NOL11: variants seen among roughly 807,000 people sequenced by gnomAD.
NOL11 encodes the protein nucleolar protein 11.
Under a neutral mutation model 93.0 loss-of-function variants are expected in NOL11, and 42 were observed. That is an observed-to-expected ratio of 0.45 (90% CI 0.35 to 0.58). NOL11 has a LOEUF of 0.58. NOL11 is among the 20% of genes least tolerant of loss of function. NOL11 has a pLI of 0.00. For missense variants in NOL11, 775 were observed against 841.8 expected, an observed-to-expected ratio of 0.92 and a Z score of 0.98; for synonymous variants, 296 against 293.7, an observed-to-expected ratio of 1.01 and a Z score of -0.08.
At chr17:67,739,879 C>G (rs1266720824) in intron 16 of NOL11, among the ~76,000 whole-genome samples, 1 of 152,160 alleles carries the variant, frequency 6.6e-6, no homozygotes, top group Non-Finnish European at 1.5e-5. Context: ...ATTTCCTCAG[C>G]CTTGATGGGA....
At chr17:67,732,144 C>T (rs1183856655) in intron 7 of NOL11, among the ~76,000 whole-genome samples, 4 of 152,118 alleles carry the variant, frequency 2.6e-5, no homozygotes, top group African/African-American at 9.7e-5. Flanking sequence ...TTCCATTCAG[C>T]AATGTTTTAT....
rs1371432790 is a variant in NOL11, at chr17:67,729,247, A to C, written c.853+2599A>C. 2.6e-5 allele frequency among the ~76,000 whole-genome samples: 4 copies of C among 152,034 alleles called. 1 individual carries two copies. In the South Asian group the frequency reaches 8.3e-4, roughly 32 times the overall value. On this transcript the variant is annotated intron_variant, in intron 7 of 17. Transcript: ENST00000253247. Reference sequence around the variant, plus strand: ...GTAACTGGGATTACAGGCATGTGCCACCACACTTGGCTAATTTTTTTCCTT... The same window carrying C: ...GTAACTGGGATTACAGGCATGTGCCCCCACACTTGGCTAATTTTTTTCCTT...
At chr17:67,724,657 A>G (rs944087153) in intron 6 of NOL11, among the ~76,000 whole-genome samples, 25 of 152,078 alleles carry the variant, frequency 1.6e-4, no homozygotes, top group African/African-American at 5.6e-4. Flanking sequence ...TGTACTTTGC[A>G]TGTCTGGCCA....
At position 67,718,040 on chromosome 17, in the gene NOL11, A is replaced by G; in HGVS notation, c.93A>G (p.Thr31=). 2 of 1,614,252 alleles carry G rather than the reference A, an allele frequency of 1.2e-6. No homozygotes were observed. The highest frequency in any genetic ancestry group is 1.7e-6 in the Non-Finnish European group (2 of 1,180,034). Residue 31 remains threonine, a synonymous_variant, in exon 1 of 18, where the codon ACA becomes ACG. Coordinates refer to ENST00000253247, the MANE Select transcript of NOL11 (RefSeq NM_015462.5). ...GLLGVEQSDK[T]DQFLVTDSGR... is the part of the protein sequence containing the mutation. ...TAGGCGTGGAGCAGAGCGACAAAAC[A>G]GACCAGTTTCTAGTGACAGACAGCG...
intron 7 of NOL11, among the ~76,000 whole-genome samples, chr17:67,731,182 T>C (rs1465279712): frequency 1.3e-5 from 2 of 152,354 alleles, no homozygotes; most frequent in South Asian, 2.1e-4. Flanking sequence ...ATCAGACATA[T>C]GATTTCCAAA....
At position 67,737,985 on chromosome 17, in the gene NOL11, C is replaced by T; in HGVS notation, c.1529+13C>T. 3.1e-6 allele frequency: 5 copies of T among 1,592,164 alleles called. No homozygotes were observed. The highest frequency in any genetic ancestry group is 4.3e-6 in the Non-Finnish European group (5 of 1,173,528). ...AAATTTTCTTGAGGTAAGTTAGACT[C>T]CAATGGTCCTTTTTCTTCACTACAT... On this transcript the variant is annotated intron_variant, in intron 13 of 17. Coordinates refer to ENST00000253247, the MANE Select transcript of NOL11 (RefSeq NM_015462.5).
intron 3 of NOL11, among the ~76,000 whole-genome samples, chr17:67,720,946 G>GT (rs994777404): frequency 6.6e-6 from 1 of 152,130 alleles, no homozygotes; most frequent in East Asian, 1.9e-4. Flanking sequence ...AACAGTGGGG[G>GT]TTTTTTTGTT....
intron 7 of NOL11, 163 bp downstream of exon 7, chr17:67,726,811 T>C: frequency 2.0e-6 from 1 of 503,462 alleles, no homozygotes; most frequent in East Asian, 3.4e-5. Context: ...CTTGAATTGG[T>C]TTTTATTTTT....
intron 7 of NOL11, among the ~76,000 whole-genome samples, chr17:67,727,474 A>G (rs1315998104): frequency 7.2e-5 from 11 of 152,098 alleles, no homozygotes; most frequent in South Asian, 2.1e-4. Flanking sequence ...CCTGACCAAC[A>G]TGGAGAAACC....
intron 4 of NOL11, 123 bp downstream of exon 4, chr17:67,721,649 A>T: frequency 1.3e-6 from 1 of 774,102 alleles, no homozygotes; most frequent in Non-Finnish European, 2.1e-6. Context: ...AATCACTTAC[A>T]AAACACTGAC....
intron 14 of NOL11, 146 bp from the exon 15 acceptor site, chr17:67,738,785 AT>A: frequency 1.7e-6 from 1 of 593,986 alleles, no homozygotes; most frequent in Non-Finnish European, 3.0e-6. Context: ...ATCTCCAATG[AT>A]TAGGAGAGTG....
At chr17:67,736,809 A>G in intron 10 of NOL11, 55 bp downstream of exon 10, 1 of 1,225,512 alleles carries the variant, frequency 8.2e-7, no homozygotes, top group Admixed American at 1.9e-5. Context: ...AAACAGAAAA[A>G]GACTGAATTA....
intron 11 of NOL11, 37 bp from the exon 12 acceptor site, chr17:67,737,471 A>C: frequency 6.6e-7 from 1 of 1,517,890 alleles, no homozygotes; most frequent in Non-Finnish European, 8.9e-7. Flanking sequence ...ACATTCGTTA[A>C]TGTGCCAAAC....
Position 67,735,884 on chromosome 17 carries a change from A to T in NOL11, c.931-16A>T, listed in dbSNP as rs755575338. On this transcript the variant is annotated splice_polypyrimidine_tract_variant and intron_variant, in intron 8 of 17. Transcript: ENST00000253247. ...AGAAAAAAATTTGCTTATGTTTTTG[A>T]TAACTTTTTTTGTAGCTCTGGTATT... 14 of 1,598,072 alleles carry T rather than the reference A, an allele frequency of 8.8e-6. No homozygotes were observed. The South Asian group carries it at 1.4e-4, about 16-fold the overall frequency.
rs927096830 is a variant in NOL11 at position 67,743,599 on chromosome 17, T to C, written c.2043+13T>C. On this transcript the variant is annotated intron_variant, in intron 17 of 17. Coordinates refer to ENST00000253247, the MANE Select transcript of NOL11 (RefSeq NM_015462.5). ...TGTAAAATCTCAGGTTTGTGATTAT[T>C]TGATATATACTGATTTTATTTGTAC... 1 of 1,474,740 alleles carries C rather than the reference T, an allele frequency of 6.8e-7. No homozygotes were observed. The highest frequency in any genetic ancestry group is 9.4e-7 in the Non-Finnish European group (1 of 1,060,104). 91.4% of individuals were successfully genotyped at this position (1,474,740 alleles called of 1,614,324 possible).
chr17:67,738,608 G>A (rs2055225981), intron 14 of NOL11: 1 of 474,392 alleles, frequency 2.1e-6, no homozygotes, highest in Admixed American at 3.8e-5. Context: ...GAGGTGGGAG[G>A]ATTGTCTGAG....
At chr17:67,727,222 C>G (rs549169135) in intron 7 of NOL11, among the ~76,000 whole-genome samples, 5 of 152,344 alleles carry the variant, frequency 3.3e-5, no homozygotes, top group African/African-American at 9.6e-5. Flanking sequence ...GCATAAGTCC[C>G]TTCACAGCCT....
At chr17:67,742,561 GT>G (rs1431138874) in intron 16 of NOL11, among the ~76,000 whole-genome samples, 1 of 151,908 alleles carries the variant, frequency 6.6e-6, no homozygotes, top group Non-Finnish European at 1.5e-5. Flanking sequence ...CTTATGTTAT[GT>G]TTAAGGCCCT....
At chr17:67,719,885 A>C in intron 2 of NOL11, 21 bp from the exon 3 acceptor site, 1 of 1,549,016 alleles carries the variant, frequency 6.5e-7, no homozygotes, top group Non-Finnish European at 8.8e-7. Flanking sequence ...ATAGTTTTTA[A>C]CTAGTATGTT....
Sources: gnomAD v4.1 joint callset for allele counts (sites outside exome capture counted in the v4.1 genomes callset) on GRCh38, gnomAD v4.1.1 for gene constraint, MANE v1.5 for transcripts, NCBI Gene and HGNC (gene_info 2026-07-23, HGNC 2026-07-21) for gene names.